The following ZNF680 variants were observed in gnomAD, a reference collection of about 807,000 sequenced individuals.
The protein encoded by ZNF680 is hypothetical protein FLJ90430.
ZNF680 carries 6 observed loss-of-function variants against 12.1 expected under a neutral mutation model. The observed-to-expected ratio is 0.49, with a 90% CI of 0.27 to 0.98. ZNF680 has a LOEUF of 0.98. Ranked by LOEUF, ZNF680 falls within the 50% of genes least tolerant of loss-of-function variation. The probability of loss-of-function intolerance (pLI) is 0.12; values close to 1 mark genes in which losing one functional copy is unlikely to be tolerated. For synonymous variants in ZNF680, 170 were observed against 199.3 expected, an observed-to-expected ratio of 0.85 and a Z score of 1.24; for missense variants, 561 against 616.3, an observed-to-expected ratio of 0.91 and a Z score of 0.95.
At chr7:64,535,637 A>G (rs142082820) in intron 3 of ZNF680, among the ~76,000 whole-genome samples, 76 of 152,212 alleles carry the variant, frequency 5.0e-4, no homozygotes, top group African/African-American at 1.8e-3. Context: ...TATATTAGAT[A>G]TAATATACTT....
At position 64,545,121 on chromosome 7, in the gene ZNF680, G is replaced by A. The variant is rs573067480; in HGVS notation, c.31-689C>T. On this transcript the variant is annotated intron_variant, in intron 1 of 3. Coordinates refer to ENST00000309683, the MANE Select transcript of ZNF680 (RefSeq NM_178558.5). ...TAAAAAAAAAATACAAAAATTAGCC[G>A]GGCACAATGATGTGCGTCTGTAATT... is the stretch of plus-strand genomic sequence containing the variant. Among the ~76,000 whole-genome samples the A allele has an allele frequency of 5.9e-4, 90 of 151,844 alleles. 1 individual carries two copies. The highest frequency in any genetic ancestry group is 2.0e-3 in the African/African-American group (83 of 41,438).
At chr7:64,536,180 A>G (rs902821212) in intron 3 of ZNF680, among the ~76,000 whole-genome samples, 2 of 152,204 alleles carry the variant, frequency 1.3e-5, no homozygotes, top group Admixed American at 6.5e-5. Flanking sequence ...TCAAGACCCC[A>G]TTTTCAATAA....
At chr7:64,508,998 C>T in the ZNF680 span, among the ~76,000 whole-genome samples, 28 of 152,122 alleles carry the variant, frequency 1.8e-4, no homozygotes, top group African/African-American at 6.8e-4. Context: ...ACATTTATGG[C>T]ACTGTATAGG....
chr7:64,561,026 A>G (rs1787705151), intron 1 of ZNF680: 1 of 151,528 alleles, frequency 6.6e-6, no homozygotes. Context: ...CTCTTTTTTC[A>G]TCATTTTTTT....
At chr7:64,554,001 C>T (rs1157298780) in intron 1 of ZNF680, among the ~76,000 whole-genome samples, 2 of 151,764 alleles carry the variant, frequency 1.3e-5, no homozygotes, top group African/African-American at 4.8e-5. Flanking sequence ...TCTGCCCGGC[C>T]GCCACCCCGT....
chr7:64,535,914 A>T (rs1429800702), intron 3 of ZNF680, among the ~76,000 whole-genome samples: 4 of 152,190 alleles, frequency 2.6e-5, no homozygotes, highest in African/African-American at 9.7e-5. Context: ...ACCGCACTCC[A>T]GCCTGGGCGA....
chr7:64,501,598 A>G, the ZNF680 span: 3 of 762,600 alleles, frequency 3.9e-6, no homozygotes, highest in Middle Eastern at 2.8e-4. Flanking sequence ...GACTCTGCTG[A>G]GGAGGGGGAT....
At position 64,557,000 on chromosome 7, in the gene ZNF680, G is replaced by A. The variant is rs75860939; in HGVS notation, c.30+5925C>T. Among the ~76,000 whole-genome samples, 4,668 of 152,200 alleles carry A rather than the reference G, an allele frequency of 0.031. 356 individuals carry two copies. The East Asian group carries it at 0.32, about 11-fold the overall frequency. ...GTACAGTGGCTCACGCCTGTAATCC[G>A]AGCACTTTGGGAGGCCAAGGCGGGC... On this transcript the variant is annotated intron_variant, in intron 1 of 3. Transcript: ENST00000309683.
chr7:64,521,262 C>T lies in ZNF680; in HGVS notation c.1492G>A (p.Ala498Thr). Residue 498 changes from alanine (A) to threonine (T), a missense_variant, in exon 4 of 4, where the codon GCT (alanine) becomes ACT (threonine). Ala to Thr is a moderately conservative substitution (Grantham distance 58). Transcript: ENST00000309683. ...KPYKCEECGK[A>T]FNRSSHLTRH... The stretch of plus-strand genomic sequence containing the variant: ...GTAAGGTGTGAGGACCGGTTAAAAG[C>T]TTTGCCACATTCTTCACATTTGTAG... The T allele has an allele frequency of 6.2e-7, 1 of 1,613,706 alleles. No individual in the cohort carries two copies. Among genetic ancestry groups the T allele is most frequent in the East Asian group, 2.2e-5 (1 of 44,860 alleles).
In ZNF680 at chr7:64,563,033, G is replaced by A. The variant is rs1008891760; in HGVS notation, c.-79C>T. 1.3e-6 allele frequency: 2 copies of A among 1,544,724 alleles called. No individual in the cohort carries two copies. Among genetic ancestry groups the A allele is most frequent in the Non-Finnish European group, 1.8e-6 (2 of 1,120,152 alleles). ...CTCTAGGAGCAGAATACACAGAGCA[G>A]TAAAGACTAGACCTGGAGCTCCCGC... On this transcript the variant is annotated 5_prime_UTR_variant, in exon 1 of 4. Transcript: ENST00000309683.
downstream of ZNF680, among the ~76,000 whole-genome samples, chr7:64,519,545 A>G (rs1473304132): frequency 6.6e-6 from 1 of 151,818 alleles, no homozygotes; most frequent in Non-Finnish European, 1.5e-5. Context: ...ACACGTTTAT[A>G]GTCTATGTGC....
downstream of ZNF680, among the ~76,000 whole-genome samples, chr7:64,518,333 G>GA (rs1238476658): frequency 6.6e-6 from 1 of 150,930 alleles, no homozygotes; most frequent in African/African-American, 2.4e-5. Flanking sequence ...ACAATAGCTG[G>GA]AAAAAAAATA....
chr7:64,508,739 T>C, the ZNF680 span, among the ~76,000 whole-genome samples: 1 of 151,070 alleles, frequency 6.6e-6, no homozygotes, highest in East Asian at 1.9e-4. Flanking sequence ...TAAAGGCCTT[T>C]GGACTAACTC....
the ZNF680 span, among the ~76,000 whole-genome samples, chr7:64,512,491 A>G: frequency 2.0e-4 from 30 of 151,084 alleles, no homozygotes; most frequent in East Asian, 5.4e-3. Flanking sequence ...ATTTCTTCTC[A>G]GTCAACTAAA....
At chr7:64,512,045 G>A in the ZNF680 span, among the ~76,000 whole-genome samples, 1 of 149,878 alleles carries the variant, frequency 6.7e-6, no homozygotes, top group Non-Finnish European at 1.5e-5. Flanking sequence ...GAAGACAAGA[G>A]CAAGACTTGG....
At chr7:64,533,322 C>T (rs961436536) in intron 3 of ZNF680, among the ~76,000 whole-genome samples, 5 of 152,092 alleles carry the variant, frequency 3.3e-5, no homozygotes, top group African/African-American at 4.8e-5. Context: ...GCAAAGTTTC[C>T]AGGTATAAGA....
At chr7:64,500,464 A>C in the ZNF680 span, among the ~76,000 whole-genome samples, 1 of 152,236 alleles carries the variant, frequency 6.6e-6, no homozygotes, top group Non-Finnish European at 1.5e-5. Context: ...CTATGGGGAA[A>C]AAAAAGGAAC....
Position 64,527,058 on chromosome 7 carries a change from C to T in ZNF680, c.254-4558G>A, listed in dbSNP as rs1440098540. On this transcript the variant is annotated intron_variant, in intron 3 of 3. Coordinates refer to ENST00000309683, the MANE Select transcript of ZNF680 (RefSeq NM_178558.5). ...TTCGAGGCCATCCTGGCCAACATGGCGAAACCCCTTCTCTACTAAAAGTAC... is the reference window on the plus strand; with the variant it reads ...TTCGAGGCCATCCTGGCCAACATGGTGAAACCCCTTCTCTACTAAAAGTAC... Among the ~76,000 whole-genome samples, 4 of 151,742 alleles carry T rather than the reference C, an allele frequency of 2.6e-5. 1 individual carries two copies. Among genetic ancestry groups the T allele is most frequent in the Middle Eastern group, 6.3e-3 (2 of 316 alleles).
At chr7:64,509,705 C>T in the ZNF680 span, among the ~76,000 whole-genome samples, 2 of 152,046 alleles carry the variant, frequency 1.3e-5, no homozygotes, top group African/African-American at 4.8e-5. Flanking sequence ...TCCAGCAGGG[C>T]AAAAGGCTAG....
Sources: allele counts gnomAD v4.1 joint callset (sites outside exome capture counted in the v4.1 genomes callset), GRCh38; gene constraint gnomAD v4.1.1; transcripts MANE v1.5; gene names NCBI Gene and HGNC (gene_info 2026-07-23, HGNC 2026-07-21).